The following BACH1 variants were observed in gnomAD, a reference collection of about 807,000 sequenced individuals.
The protein encoded by BACH1 is transcription regulator protein BACH1.
A neutral mutation model predicts 52.9 loss-of-function variants in BACH1; 35 were observed. That is an observed-to-expected ratio of 0.66 (90% CI 0.51 to 0.88). The LOEUF (loss-of-function observed/expected upper bound fraction) is 0.88. Ranked by LOEUF, BACH1 falls within the 40% of genes least tolerant of loss-of-function variation. The pLI is 0.00. For missense variants in BACH1, 808 were observed against 872.6 expected (o/e 0.93, Z 0.93); for synonymous variants, 321 against 319.6 (o/e 1.00, Z -0.05).
At chr21:29,319,357 G>T (rs907618181) in intron 1 of BACH1, among the ~76,000 whole-genome samples, 1 of 152,100 alleles carries the variant, frequency 6.6e-6, no homozygotes, top group Non-Finnish European at 1.5e-5. Context: ...GGGATTAAGA[G>T]AATACATTAC....
intron 4 of BACH1, among the ~76,000 whole-genome samples, chr21:29,332,338 T>C (rs984592179): frequency 5.9e-5 from 9 of 152,242 alleles, no homozygotes; most frequent in African/African-American, 2.2e-4. Context: ...GTTCCTTTCA[T>C]ATGGTCAGTG....
chr21:29,336,250 C>T (rs2089042581), intron 4 of BACH1, among the ~76,000 whole-genome samples: 2 of 152,172 alleles, frequency 1.3e-5, no homozygotes, highest in African/African-American at 4.8e-5. Context: ...ATTGCTTCCC[C>T]ATGGCTTTAA....
intron 1 of BACH1, among the ~76,000 whole-genome samples, chr21:29,303,637 C>T (rs572854357): frequency 1.3e-5 from 2 of 152,292 alleles, no homozygotes; most frequent in African/African-American, 4.8e-5. Flanking sequence ...TAGTTCATCT[C>T]CTAAGATAGA....
chr21:29,342,564 C>CT lies in BACH1; in HGVS notation c.1945dup (p.Ser649PhefsTer6), dbSNP rs751557301. On this transcript the variant is annotated frameshift_variant, in exon 5 of 5. Transcript: ENST00000286800. LOFTEE classifies it low-confidence loss of function (END_TRUNC). ...CAAGTACTCAGCTGCAGATTGCCCA[C>CT]TTTCATTTTTAATTTCTGAAAAAGA... is the stretch of plus-strand genomic sequence containing the variant. 1 of 1,614,218 alleles carries CT rather than the reference C, an allele frequency of 6.2e-7. No homozygotes were observed. The highest frequency in any genetic ancestry group is 2.2e-5 in the East Asian group (1 of 44,890).
intron 2 of BACH1, among the ~76,000 whole-genome samples, chr21:29,354,633 G>T (rs1159108582): frequency 1.3e-5 from 2 of 152,176 alleles, no homozygotes; most frequent in Non-Finnish European, 2.9e-5. Flanking sequence ...ACAACAGAGT[G>T]GAAGATGTTT....
At chr21:29,351,691 G>T (rs202046847) in intron 2 of BACH1, 6 of 534,540 alleles carry the variant, frequency 1.1e-5, no homozygotes, top group African/African-American at 1.9e-5. Context: ...GAGAACTCTG[G>T]ATACCTGCTC....
chr21:29,324,013 A>C (rs1031458511), intron 2 of BACH1, among the ~76,000 whole-genome samples: 2 of 152,132 alleles, frequency 1.3e-5, no homozygotes, highest in African/African-American at 4.8e-5. Context: ...GCACTTTGGG[A>C]GGGCGAGGCA....
downstream of BACH1, among the ~76,000 whole-genome samples, chr21:29,347,852 C>G (rs1224400007): frequency 6.6e-6 from 1 of 152,198 alleles, no homozygotes; most frequent in African/African-American, 2.4e-5. Context: ...ATCAGATGTT[C>G]TGCATTGAGA....
At position 29,358,765 on chromosome 21, in the gene BACH1, AAAAGAAAAGAAAG is replaced by A. The variant is rs777629501; in HGVS notation, c.472+29080_472+29092del. On this transcript the variant is annotated intron_variant, in intron 2 of 4. Transcript: ENST00000422809. The stretch of plus-strand genomic sequence containing the variant: ...AGAAAAAAAGAAAAGAAAAGAAAAG[AAAAGAAAAGAAAG>A]AAAGAAAGAAAGAAAGAAAGAAAGA... Among the ~76,000 whole-genome samples, 276 of 81,502 alleles carry A rather than the reference AAAAGAAAAGAAAG, an allele frequency of 3.4e-3. 2 individuals are homozygous for A. Among genetic ancestry groups the A allele is most frequent in the African/African-American group, 0.01 (250 of 24,194 alleles). 53.5% of individuals were successfully genotyped at this position (81,502 alleles called of 152,430 possible). A position where few individuals can be genotyped will look rare whatever the true frequency, so the allele number is the denominator to read the frequency against.
At chr21:29,315,264 A>G (rs2088773006) in intron 1 of BACH1, among the ~76,000 whole-genome samples, 2 of 152,158 alleles carry the variant, frequency 1.3e-5, no homozygotes, top group East Asian at 3.8e-4. Flanking sequence ...TCTTAGGTGT[A>G]TTGTAACAGG....
intron 4 of BACH1, among the ~76,000 whole-genome samples, chr21:29,333,463 C>G (rs2089008341): frequency 6.6e-6 from 1 of 152,178 alleles, no homozygotes; most frequent in African/African-American, 2.4e-5. Context: ...AAGATTATAA[C>G]AAACCTATTT....
rs780699851 is a variant in BACH1 at position 29,326,018 on chromosome 21, C to G, written c.235-41C>G. On this transcript the variant is annotated intron_variant, in intron 2 of 4. Coordinates refer to ENST00000286800, the MANE Select transcript of BACH1 (RefSeq NM_001186.4). ...TATTTTGTTTTTATGTACTAGACAG[C>G]TTTCAAATGATGTGTTTGTTTTTAT... 1.9e-6 allele frequency: 3 copies of G among 1,546,242 alleles called. No homozygotes were observed. In the African/African-American group the frequency reaches 4.1e-5, roughly 21 times the overall value.
intron 3 of BACH1, 94 bp from the exon 4 acceptor site, chr21:29,329,393 C>A (rs928363512): frequency 1.6e-5 from 17 of 1,030,348 alleles, no homozygotes; most frequent in South Asian, 2.3e-5. Context: ...AAAATAAGTT[C>A]TCTGAAAAAC....
chr21:29,334,696 C>T lies in BACH1; in HGVS notation c.1776+5003C>T, dbSNP rs959432496. The stretch of plus-strand genomic sequence containing the variant: ...GTAAGTGATCAGCAATCAGAATATT[C>T]ACAAACACTTGCGCTCAGGGTTGAG... On this transcript the variant is annotated intron_variant, in intron 4 of 4. Coordinates refer to ENST00000286800, the MANE Select transcript of BACH1 (RefSeq NM_001186.4). Among the ~76,000 whole-genome samples, 4 of 152,284 alleles carry T rather than the reference C, an allele frequency of 2.6e-5. No homozygotes were observed. The East Asian group carries it at 7.7e-4, about 29-fold the overall frequency.
Position 29,342,779 on chromosome 21 carries a change from T to G in BACH1, c.2157T>G (p.Gly719=), listed in dbSNP as rs943805780. Residue 719 remains glycine (G), a synonymous_variant, in exon 5 of 5, where the codon GGT becomes GGG. Coordinates refer to ENST00000286800, the MANE Select transcript of BACH1 (RefSeq NM_001186.4). ...CTGCGGAACAGTGTCGTCAGAGTGGTGGGATCTCAGATTTCTGTCAGCAGA... is the reference window on the plus strand; with the variant it reads ...CTGCGGAACAGTGTCGTCAGAGTGGGGGGATCTCAGATTTCTGTCAGCAGA... ...AGPAEQCRQS[G]GISDFCQQMT... 14 of 1,612,082 alleles carry G rather than the reference T, an allele frequency of 8.7e-6. No homozygotes were observed. The highest frequency in any genetic ancestry group is 1.2e-5 in the Non-Finnish European group (14 of 1,178,384).
chr21:29,317,691 G>T (rs1449321896), intron 1 of BACH1, among the ~76,000 whole-genome samples: 1 of 152,188 alleles, frequency 6.6e-6, no homozygotes, highest in Admixed American at 6.5e-5. Context: ...GTTAGGAAGA[G>T]AATACATTGG....
intron 4 of BACH1, among the ~76,000 whole-genome samples, chr21:29,332,439 TTAAC>T (rs567727738): frequency 5.7e-4 from 87 of 152,378 alleles, no homozygotes; most frequent in African/African-American, 1.9e-3. Context: ...AGTATCCTGT[TTAAC>T]TATTACATTA....
At chr21:29,346,722 C>T (rs1430184250), downstream of BACH1, among the ~76,000 whole-genome samples, 2 of 152,122 alleles carry the variant, frequency 1.3e-5, no homozygotes, top group African/African-American at 4.8e-5. Flanking sequence ...CCTGACTAGA[C>T]CAACGATGGA....
chr21:29,329,340 ATTG>A, intron 3 of BACH1, 144 bp from the exon 4 acceptor site: 5 of 591,428 alleles, frequency 8.5e-6, no homozygotes, highest in Admixed American at 3.7e-5. Flanking sequence ...TCCTTTTGAG[ATTG>A]TATAGAAATT....
Sources: gnomAD v4.1 joint callset for allele counts (sites outside exome capture counted in the v4.1 genomes callset) on GRCh38, gnomAD v4.1.1 for gene constraint, MANE v1.5 for transcripts, NCBI Gene and HGNC (gene_info 2026-07-23, HGNC 2026-07-21) for gene names.